THSD7B: variants seen among roughly 807,000 people sequenced by gnomAD.
The protein encoded by THSD7B is thrombospondin type-1 domain-containing protein 7B.
THSD7B carries 138 observed loss-of-function variants against 213.6 expected under a neutral mutation model. The ratio of observed to expected loss-of-function variants is 0.65; its 90% CI spans 0.56 to 0.74. The LOEUF (loss-of-function observed/expected upper bound fraction) is 0.74, where lower values mean the gene tolerates loss of function less well. THSD7B is among the 30% of genes least tolerant of loss of function. The probability of loss-of-function intolerance (pLI) is 0.00; values close to 1 mark genes in which losing one functional copy is unlikely to be tolerated. For missense variants in THSD7B, 1,931 were observed against 1,991.5 expected, an observed-to-expected ratio of 0.97 and a Z score of 0.58; for synonymous variants, 742 against 687.0, an observed-to-expected ratio of 1.08 and a Z score of -1.25.
At position 137,568,582 on chromosome 2, in the gene THSD7B, A is replaced by C. The variant is rs1009812671; in HGVS notation, c.3273-3824A>C. 3.3e-5 allele frequency among the ~76,000 whole-genome samples: 5 copies of C among 152,186 alleles called. No homozygotes were observed. In the East Asian group the frequency reaches 9.6e-4, roughly 29 times the overall value. On this transcript the variant is annotated intron_variant, in intron 16 of 27. Coordinates refer to ENST00000409968, the MANE Select transcript of THSD7B (RefSeq NM_001316349.2). Reference sequence around the variant, plus strand: ...AGTTCCACATGGCTGGGGAGGCCTCAGGAAACTTACAATCATGGTGGAAGG... The same window carrying C: ...AGTTCCACATGGCTGGGGAGGCCTCCGGAAACTTACAATCATGGTGGAAGG...
At chr2:136,795,367 C>T (rs1682042875) in intron 1 of THSD7B, among the ~76,000 whole-genome samples, 1 of 151,894 alleles carries the variant, frequency 6.6e-6, no homozygotes, top group Non-Finnish European at 1.5e-5. Flanking sequence ...TGCTGACTCT[C>T]TTGCATTCCT....
At chr2:137,654,480 G>C (rs894787835) in intron 21 of THSD7B, among the ~76,000 whole-genome samples, 1 of 152,174 alleles carries the variant, frequency 6.6e-6, no homozygotes, top group South Asian at 2.1e-4. Context: ...GCAGGGACAG[G>C]CCTCCTGCCA....
chr2:137,269,742 T>C (rs1313892841), intron 10 of THSD7B, among the ~76,000 whole-genome samples: 4 of 152,234 alleles, frequency 2.6e-5, no homozygotes, highest in African/African-American at 9.6e-5. Flanking sequence ...AGATAGCTTT[T>C]TGTATTATTA....
In THSD7B at chr2:137,283,713, G is replaced by T. The variant is rs187827139; in HGVS notation, c.2500+7687G>T. 2.0e-5 allele frequency among the ~76,000 whole-genome samples: 3 copies of T among 151,688 alleles called. No homozygotes were observed. The South Asian group carries it at 6.3e-4, about 32-fold the overall frequency. ...TGCTGGATTACATTTATTGATTTGCGTATGTTGAACCAGCCTTGCATCCCA... is the reference window on the plus strand; with the variant it reads ...TGCTGGATTACATTTATTGATTTGCTTATGTTGAACCAGCCTTGCATCCCA... On this transcript the variant is annotated intron_variant, in intron 12 of 27. Coordinates refer to ENST00000409968, the MANE Select transcript of THSD7B (RefSeq NM_001316349.2).
At chr2:137,076,203 G>C (rs1423052049) in intron 3 of THSD7B, among the ~76,000 whole-genome samples, 1 of 152,352 alleles carries the variant, frequency 6.6e-6, no homozygotes, top group East Asian at 1.9e-4. Context: ...TACAGAGGCA[G>C]GCAGGCCTCC....
At chr2:136,898,623 G>A (rs1298893288) in intron 2 of THSD7B, among the ~76,000 whole-genome samples, 1 of 133,942 alleles carries the variant, frequency 7.5e-6, no homozygotes, top group African/African-American at 2.8e-5. Flanking sequence ...ACTCACTTGG[G>A]ATATAACAGT....
chr2:137,325,772 CCTG>C (rs1558758612), intron 12 of THSD7B, among the ~76,000 whole-genome samples: 1 of 152,100 alleles, frequency 6.6e-6, no homozygotes, highest in Non-Finnish European at 1.5e-5. Context: ...AATTTAAAAT[CCTG>C]CTCAAATTAT....
intron 14 of THSD7B, among the ~76,000 whole-genome samples, chr2:137,434,640 G>T (rs1407781014): frequency 6.6e-6 from 1 of 152,216 alleles, no homozygotes; most frequent in African/African-American, 2.4e-5. Context: ...GGATGTAACT[G>T]CAGAACAGAT....
At chr2:137,628,501 T>C (rs1253032269) in intron 20 of THSD7B, among the ~76,000 whole-genome samples, 1 of 152,174 alleles carries the variant, frequency 6.6e-6, no homozygotes, top group Non-Finnish European at 1.5e-5. Flanking sequence ...GAGAGTAAAC[T>C]AACAAGTAAT....
At chr2:137,210,722 A>C (rs1175478124) in intron 7 of THSD7B, among the ~76,000 whole-genome samples, 4 of 152,002 alleles carry the variant, frequency 2.6e-5, no homozygotes, top group African/African-American at 7.2e-5. Flanking sequence ...AATAAACATT[A>C]ATTTCTTCTG....
intron 4 of THSD7B, among the ~76,000 whole-genome samples, chr2:137,099,084 G>A (rs752445201): frequency 3.9e-4 from 60 of 152,208 alleles, no homozygotes; most frequent in Admixed American, 2.6e-4. Flanking sequence ...CCTCTAGTGT[G>A]TCATTAAACA....
intron 2 of THSD7B, among the ~76,000 whole-genome samples, chr2:137,017,984 C>CTT (rs557685032): frequency 0.068 from 9,580 of 140,206 alleles, 337 homozygotes; most frequent in East Asian, 0.15. Context: ...TTTGTCTTCC[C>CTT]TTTTTTTTTT....
intron 6 of THSD7B, among the ~76,000 whole-genome samples, chr2:137,162,816 A>G (rs142765353): frequency 0.029 from 4,364 of 149,792 alleles, 235 homozygotes; most frequent in African/African-American, 0.099. Flanking sequence ...CTGGAGTGCA[A>G]TGGCGTGATC....
At chr2:137,664,745 C>G (rs535050354) in intron 26 of THSD7B, among the ~76,000 whole-genome samples, 9 of 152,190 alleles carry the variant, frequency 5.9e-5, no homozygotes, top group African/African-American at 2.2e-4. Context: ...TTTACAAACC[C>G]CTGTCCCTGC....
At chr2:137,296,667 C>T (rs1000216170) in intron 12 of THSD7B, among the ~76,000 whole-genome samples, 1 of 152,156 alleles carries the variant, frequency 6.6e-6, no homozygotes, top group African/African-American at 2.4e-5. Flanking sequence ...AAATACTCCA[C>T]ACATGTAGTT....
rs555959749 is a variant in THSD7B at position 137,105,438 on chromosome 2, C to T, written c.1200-9686C>T. 1.1e-3 allele frequency among the ~76,000 whole-genome samples: 167 copies of T among 152,270 alleles called. 1 individual carries two copies. The highest frequency in any genetic ancestry group is 3.5e-3 in the African/African-American group (146 of 41,554). ...ATAAGAGCTATTTATTACAAACCCA[C>T]AGCCAATATCATACTGAACGAGCAA... On this transcript the variant is annotated intron_variant, in intron 4 of 27. Coordinates refer to ENST00000409968, the MANE Select transcript of THSD7B (RefSeq NM_001316349.2).
intron 2 of THSD7B, among the ~76,000 whole-genome samples, chr2:137,004,652 G>A (rs1369659322): frequency 6.6e-6 from 1 of 152,090 alleles, no homozygotes; most frequent in East Asian, 1.9e-4. Flanking sequence ...TGTGTGTTTG[G>A]ATAAATGTTT....
At chr2:136,995,948 TTCTG>T (rs1310952397) in intron 2 of THSD7B, among the ~76,000 whole-genome samples, 2 of 152,206 alleles carry the variant, frequency 1.3e-5, no homozygotes, top group Non-Finnish European at 2.9e-5. Flanking sequence ...CTGCAGTAGA[TTCTG>T]TCAGCTCTCA....
Position 137,568,513 on chromosome 2 carries a change from C to T in THSD7B, c.3273-3893C>T, listed in dbSNP as rs188059233. Among the ~76,000 whole-genome samples the T allele has an allele frequency of 1.1e-4, 17 of 152,118 alleles. No individual in the cohort carries two copies. The East Asian group carries it at 2.9e-3, about 26-fold the overall frequency. On this transcript the variant is annotated intron_variant, in intron 16 of 27. Transcript: ENST00000409968. ...TTTCACACTGCTATAAAGAAATACCCGAGACTGGTTAATTTATAAAAGAAA... is the reference window on the plus strand; with the variant it reads ...TTTCACACTGCTATAAAGAAATACCTGAGACTGGTTAATTTATAAAAGAAA...
Sources: gnomAD v4.1 joint callset for allele counts (sites outside exome capture counted in the v4.1 genomes callset) on GRCh38, gnomAD v4.1.1 for gene constraint, MANE v1.5 for transcripts, NCBI Gene and HGNC (gene_info 2026-07-23, HGNC 2026-07-21) for gene names.